The following AP5Z1 variants were observed in gnomAD, a reference collection of about 807,000 sequenced individuals.
AP5Z1 encodes the protein adaptor related protein complex 5 subunit zeta 1, also known as AP-5 complex subunit zeta-1.
Under a neutral mutation model 83.0 loss-of-function variants are expected in AP5Z1, and 106 were observed. The observed-to-expected ratio is 1.28, with a 90% CI of 1.09 to 1.50. The LOEUF (loss-of-function observed/expected upper bound fraction) is 1.50, where lower values mean the gene tolerates loss of function less well. AP5Z1 is among the 40% of genes most tolerant of loss of function. AP5Z1 has a pLI of 0.00. For synonymous variants in AP5Z1, 751 were observed against 514.1 expected, an observed-to-expected ratio of 1.46 and a Z score of -6.23; for missense variants, 1,565 against 1,094.2, an observed-to-expected ratio of 1.43 and a Z score of -6.07.
Position 4,791,165 on chromosome 7 carries a change from CCAGCTCCACGCA to C in AP5Z1, c.2209_2220del (p.Ser737_Ser740del), listed in dbSNP as rs139155501. On this transcript the variant is annotated inframe_deletion, in exon 17 of 17. Transcript: ENST00000649063. ...AGGACCCTGGCTCACAGTCCAGCCA[CCAGCTCCACGCA>C]CAGCGAGGAGGGCGCGGAAGCCATC... The C allele has an allele frequency of 8.3e-3, 13,330 of 1,611,256 alleles. 909 individuals carry two copies. In the African/African-American group the frequency reaches 0.15, roughly 19 times the overall value.
At position 4,781,212 on chromosome 7, in the gene AP5Z1, C is replaced by T. The variant is rs372643695; in HGVS notation, c.79C>T (p.Arg27Trp). The change falls in exon 2 of 17, where the codon CGG (arginine) becomes TGG (tryptophan). Residue 27 changes from arginine (R) to tryptophan (W), a missense_variant. Physicochemically the swap from Arg to Trp is moderately radical, Grantham distance 101. Coordinates refer to ENST00000649063, the MANE Select transcript of AP5Z1 (RefSeq NM_014855.3). ...CGAGGAGCTGAAGAAGTTCTGTTCC[C>T]GGATCTGTAAACTGCTGCAGGCGGA... is the stretch of plus-strand genomic sequence containing the variant. ...QDEELKKFCS[R>W]ICKLLQAEDL... 24 of 1,613,498 alleles carry T rather than the reference C, an allele frequency of 1.5e-5. No homozygotes were observed. Among genetic ancestry groups the T allele is most frequent in the African/African-American group, 2.7e-5 (2 of 74,906 alleles).
rs556415495 is a variant in AP5Z1, at chr7:4,781,308, C to G, written c.175C>G (p.Arg59Gly). 6.2e-7 allele frequency: 1 copy of G among 1,613,318 alleles called. No individual in the cohort carries two copies. Among genetic ancestry groups the G allele is most frequent in the Non-Finnish European group, 8.5e-7 (1 of 1,179,830 alleles). The change falls in exon 2 of 17, where the codon CGG becomes GGG. Residue 59 changes from arginine (R) to glycine (G), a missense_variant. By Grantham distance (125) the Arg-to-Gly change is moderately radical. Coordinates refer to ENST00000649063, the MANE Select transcript of AP5Z1 (RefSeq NM_014855.3). ...FLIISATKYS[R>G]RLEKTCVDLL... The stretch of plus-strand genomic sequence containing the variant: ...CATCATCTCAGCCACGAAGTACAGC[C>G]GGAGGTGAGTGTGGCGACGGCTCAG...
At chr7:4,784,168 C>T (rs554159417) in intron 5 of AP5Z1, 35 bp from the exon 6 acceptor site, 25 of 1,547,936 alleles carry the variant, frequency 1.6e-5, no homozygotes, top group African/African-American at 5.5e-5. Context: ...CCGGCCTCGG[C>T]CCCCTCCGCC....
Position 4,783,328 on chromosome 7 carries a change from G to C in AP5Z1, c.379G>C (p.Glu127Gln), listed in dbSNP as rs115454162. The change falls in exon 4 of 17, where the codon GAG (glutamate) becomes CAG (glutamine). Residue 127 changes from glutamate to glutamine, a missense_variant. Coordinates refer to ENST00000649063, the MANE Select transcript of AP5Z1 (RefSeq NM_014855.3). ...GTTTGATTTGAAGGGTGACAGAAAC[G>C]AGGAGGTCAGAGCCGTGGGCCAGGG... ...SVLLAQGDRNEEVRAVGQGVL... is the reference protein window; with the variant it reads ...SVLLAQGDRNQEVRAVGQGVL... The C allele has an allele frequency of 6.2e-7, 1 of 1,609,810 alleles. No individual in the cohort carries two copies. Among genetic ancestry groups the C allele is most frequent in the Admixed American group, 1.7e-5 (1 of 59,526 alleles).
chr7:4,785,760 CTTTTTTT>C lies in AP5Z1; in HGVS notation c.1132+90_1132+96del, dbSNP rs74274130. The C allele has an allele frequency of 4.0e-4, 462 of 1,140,744 alleles. No individual in the cohort carries two copies. In the South Asian group the frequency reaches 5.6e-3, roughly 14 times the overall value. 70.7% of individuals were successfully genotyped at this position (1,140,744 alleles called of 1,614,324 possible). A position where few individuals can be genotyped will look rare whatever the true frequency, so the allele number is the denominator to read the frequency against. ...GTTTTAGGATGGAATTTCTTCTTCC[CTTTTTTT>C]TTTTTTTTTTTTTGATTGAATAGAG... On this transcript the variant is annotated intron_variant, in intron 9 of 16. Coordinates refer to ENST00000649063, the MANE Select transcript of AP5Z1 (RefSeq NM_014855.3).
intron 12 of AP5Z1, chr7:4,788,636 G>A (rs1781637816): frequency 7.4e-6 from 4 of 537,376 alleles, no homozygotes; most frequent in Non-Finnish European, 1.3e-5. Flanking sequence ...GCCCACGCCA[G>A]CCTTTGTCCC....
At chr7:4,789,978 G>A (rs747795410) in intron 14 of AP5Z1, 49 bp downstream of exon 14, 16 of 1,418,578 alleles carry the variant, frequency 1.1e-5, no homozygotes, top group Middle Eastern at 2.5e-4. Flanking sequence ...GTGCCTCCTG[G>A]ACTCCTCCCC....
At chr7:4,782,277 A>T (rs959351409) in intron 3 of AP5Z1, among the ~76,000 whole-genome samples, 15 of 152,032 alleles carry the variant, frequency 9.9e-5, no homozygotes, top group Non-Finnish European at 2.2e-4. Context: ...GCTGGTCTCA[A>T]ACTTCTGGGC....
intron 1 of AP5Z1, among the ~76,000 whole-genome samples, chr7:4,776,670 G>C (rs1167572783): frequency 6.6e-6 from 1 of 152,156 alleles, no homozygotes; most frequent in Non-Finnish European, 1.5e-5. Context: ...GTGAGGTGGA[G>C]GTTACAGTGA....
Position 4,785,639 on chromosome 7 carries a change from T to C in AP5Z1, c.1087T>C (p.Ser363Pro), listed in dbSNP as rs766834510. 6.4e-7 allele frequency: 1 copy of C among 1,565,242 alleles called. No individual in the cohort carries two copies. Among genetic ancestry groups the C allele is most frequent in the Non-Finnish European group, 8.6e-7 (1 of 1,158,734 alleles). The change falls in exon 9 of 17, where the codon TCT becomes CCT. Residue 363 changes from serine (S) to proline (P), a missense_variant. By Grantham distance (74) the Ser-to-Pro change is moderately conservative. Transcript: ENST00000649063. ...CGGGCGGGTGCGCGGGGACCCGGCCTCTGTGCGGGTGCTGCTGCCCCTCGC... is the reference window on the plus strand; with the variant it reads ...CGGGCGGGTGCGCGGGGACCCGGCCCCTGTGCGGGTGCTGCTGCCCCTCGC... ...LHGRVRGDPASVRVLLPLAHF... is the reference protein window; with the variant it reads ...LHGRVRGDPAPVRVLLPLAHF...
intron 1 of AP5Z1, among the ~76,000 whole-genome samples, chr7:4,778,080 C>G (rs891555845): frequency 6.6e-6 from 1 of 152,128 alleles, no homozygotes; most frequent in African/African-American, 2.4e-5. Context: ...AAAAACTTAG[C>G]CAGGTGTGGT....
In AP5Z1 at chr7:4,792,499, C is replaced by G. The variant is rs1347203201; in HGVS notation, c.*1114C>G. ...GAGGGGGCGAGTGACGCGCAAGGAACGGAGCAGGGGACACCGTGCGGGCTC... is the reference window on the plus strand; with the variant it reads ...GAGGGGGCGAGTGACGCGCAAGGAAGGGAGCAGGGGACACCGTGCGGGCTC... On this transcript the variant is annotated 3_prime_UTR_variant, in exon 17 of 17. Coordinates refer to ENST00000649063, the MANE Select transcript of AP5Z1 (RefSeq NM_014855.3). 1 of 152,342 alleles carries G rather than the reference C, an allele frequency of 6.6e-6. No individual in the cohort carries two copies. The highest frequency in any genetic ancestry group is 1.5e-5 in the Non-Finnish European group (1 of 68,164). 9.4% of individuals were successfully genotyped at this position (152,342 alleles called of 1,614,324 possible).
At chr7:4,781,077 C>G (rs1455146719) in intron 1 of AP5Z1, 98 bp from the exon 2 acceptor site, 2 of 1,488,322 alleles carry the variant, frequency 1.3e-6, no homozygotes, top group Admixed American at 4.3e-5. Flanking sequence ...CTCGGCTTCT[C>G]TTTTCTAAAG....
chr7:4,786,357 T>C lies in AP5Z1; in HGVS notation c.1240T>C (p.Cys414Arg). ...GCTGGCCTTTGAATTCATCCAGTTC[T>C]GCAGGGACAACCTCCACCTGTTCAG... ...PMLAFEFIQF[C>R]RDNLHLFSGH... The change falls in exon 10 of 17, where the codon TGC (cysteine) becomes CGC (arginine). Residue 414 changes from cysteine to arginine, a missense_variant. By Grantham distance (180) the Cys-to-Arg change is radical (BLOSUM62 -3). Coordinates refer to ENST00000649063, the MANE Select transcript of AP5Z1 (RefSeq NM_014855.3). 1 of 1,613,964 alleles carries C rather than the reference T, an allele frequency of 6.2e-7. No individual in the cohort carries two copies. Among genetic ancestry groups the C allele is most frequent in the Non-Finnish European group, 8.5e-7 (1 of 1,179,866 alleles).
chr7:4,781,351 C>T (rs368134089), intron 2 of AP5Z1, 39 bp downstream of exon 2: 68 of 1,609,564 alleles, frequency 4.2e-5, no homozygotes, highest in African/African-American at 1.1e-4. Flanking sequence ...CCTCACACAG[C>T]GGCCCCAGGA....
chr7:4,785,659 C>T lies in AP5Z1; in HGVS notation c.1107C>T (p.Pro369=), dbSNP rs751199917. Residue 369 remains proline, a synonymous_variant, in exon 9 of 17, where the codon CCC becomes CCT. Coordinates refer to ENST00000649063, the MANE Select transcript of AP5Z1 (RefSeq NM_014855.3). ...CGGCCTCTGTGCGGGTGCTGCTGCC[C>T]CTCGCCCACTTCTTCCTGAGCCACG... The part of the protein sequence containing the change: ...GDPASVRVLL[P]LAHFFLSHGE... 2.7e-5 allele frequency: 41 copies of T among 1,547,044 alleles called. No homozygotes were observed. The highest frequency in any genetic ancestry group is 3.3e-5 in the Non-Finnish European group (38 of 1,147,034).
Position 4,785,509 on chromosome 7 carries a change from C to T in AP5Z1, c.970-13C>T, listed in dbSNP as rs73305376. The T allele has an allele frequency of 0.017, 27,249 of 1,613,354 alleles. 1,957 individuals are homozygous for T. The African/African-American group carries it at 0.22, about 13-fold the overall frequency. ...AGCGACTCGGCCCATTTGATGTGGT[C>T]CATGTCCCGCAGTGCCTGGTGGAGG... On this transcript the variant is annotated splice_polypyrimidine_tract_variant and intron_variant, in intron 8 of 16. Coordinates refer to ENST00000649063, the MANE Select transcript of AP5Z1 (RefSeq NM_014855.3).
At position 4,789,910 on chromosome 7, in the gene AP5Z1, T is replaced by A; in HGVS notation, c.1786T>A (p.Tyr596Asn). 1 of 1,548,414 alleles carries A rather than the reference T, an allele frequency of 6.5e-7. No homozygotes were observed. The highest frequency in any genetic ancestry group is 8.7e-7 in the Non-Finnish European group (1 of 1,146,142). ...CGACTCGCTCTACCCGGCCCCAGGG[T>A]ACGCTGCCGGTGTGCACAGGTAGGT... ...RSDSLYPAPG[Y>N]AAGVHSVLSS... Residue 596 changes from tyrosine (Y) to asparagine (N), a missense_variant, in exon 14 of 17, where the codon TAC (tyrosine) becomes AAC (asparagine). Physicochemically the swap from Tyr to Asn is moderately radical, Grantham distance 143 (BLOSUM62 -2). Coordinates refer to ENST00000649063, the MANE Select transcript of AP5Z1 (RefSeq NM_014855.3).
At position 4,793,217 on chromosome 7, in the gene AP5Z1, G is replaced by A. The variant is rs1024774589; in HGVS notation, c.*1832G>A. On this transcript the variant is annotated 3_prime_UTR_variant, in exon 17 of 17. Transcript: ENST00000649063. Reference sequence around the variant, plus strand: ...GGAGCAACCTTCAGGTGGCCTCCAGGAGGCAGCTGGGAAAAGGGCAAAGCT... The same window carrying A: ...GGAGCAACCTTCAGGTGGCCTCCAGAAGGCAGCTGGGAAAAGGGCAAAGCT... 1 of 152,316 alleles carries A rather than the reference G, an allele frequency of 6.6e-6. No homozygotes were observed. Among genetic ancestry groups the A allele is most frequent in the Admixed American group, 6.5e-5 (1 of 15,292 alleles). 9.4% of individuals were successfully genotyped at this position (152,316 alleles called of 1,614,324 possible).
Sources: allele counts gnomAD v4.1 joint callset (sites outside exome capture counted in the v4.1 genomes callset), GRCh38; gene constraint gnomAD v4.1.1; transcripts MANE v1.5; gene names NCBI Gene and HGNC (gene_info 2026-07-23, HGNC 2026-07-21).